MCOLN1: variants seen among roughly 807,000 people sequenced by gnomAD.
The protein encoded by MCOLN1 is mucolipin TRP cation channel 1.
A neutral mutation model predicts 70.3 loss-of-function variants in MCOLN1; 50 were observed. That is an observed-to-expected ratio of 0.71 (90% CI 0.57 to 0.90). MCOLN1 has a LOEUF of 0.90. Among genes scored for constraint, MCOLN1 ranks in the 40% least tolerant of loss-of-function variants. MCOLN1 has a pLI of 0.00. For synonymous variants in MCOLN1, 366 were observed against 341.0 expected (o/e 1.07, Z -0.81); for missense variants, 598 against 803.5 (o/e 0.74, Z 3.09).
At chr19:7,529,437 G>A (rs767421619) in intron 10 of MCOLN1, among the ~76,000 whole-genome samples, 153 bp from the exon 11 acceptor site, 2 of 152,104 alleles carry the variant, frequency 1.3e-5, no homozygotes, top group East Asian at 1.9e-4. Context: ...CCCCTCAGAC[G>A]TGGCCACGCC....
intron 1 of MCOLN1, among the ~76,000 whole-genome samples, chr19:7,523,772 A>C (rs953519987): frequency 1.1e-4 from 17 of 152,248 alleles, no homozygotes; most frequent in Non-Finnish European, 2.4e-4. Context: ...GTGTTTGCTG[A>C]AGAGGTCTTT....
chr19:7,529,352 G>T, intron 10 of MCOLN1, 150 bp downstream of exon 10: 1 of 922,496 alleles, frequency 1.1e-6, no homozygotes, highest in Non-Finnish European at 1.7e-6. Flanking sequence ...ATCTGTCACT[G>T]CACCTGCGCG....
rs2022639116 is a variant in MCOLN1 at position 7,530,398 on chromosome 19, G to C, written c.1472G>C (p.Trp491Ser). 6.2e-7 allele frequency: 1 copy of C among 1,613,700 alleles called. No individual in the cohort carries two copies. Residue 491 changes from tryptophan (W) to serine (S), a missense_variant, in exon 12 of 14, where the codon TGG (tryptophan) becomes TCG (serine). By Grantham distance (177) the Trp-to-Ser change is radical. Transcript: ENST00000264079. Reference protein sequence around the residue: ...QAQQGRSSLVWLFSQLYLYSF... With the variant: ...QAQQGRSSLVSLFSQLYLYSF... ...CAGCAGGGCCGCAGCAGCCTGGTGT[G>C]GCTCTTCTCCCAGCTCTACCTTTAC...
At position 7,528,477 on chromosome 19, in the gene MCOLN1, C is replaced by A; in HGVS notation, c.878-120C>A. The A allele has an allele frequency of 1.5e-6, 2 of 1,333,330 alleles. No individual in the cohort carries two copies. The highest frequency in any genetic ancestry group is 1.3e-5 in the South Asian group (1 of 78,350). 82.6% of individuals were successfully genotyped at this position (1,333,330 alleles called of 1,614,324 possible). A position where few individuals can be genotyped will look rare whatever the true frequency, so the allele number is the denominator to read the frequency against. On this transcript the variant is annotated intron_variant, in intron 7 of 13. Transcript: ENST00000264079. This position sits in a 1 kb window ranked among gnomAD's most constrained non-coding sequence, Gnocchi z 4.2. ...GACTCACCCCAAGCAAGCCCTGAGC[C>A]CACTGACCAACCAAAACCAGCCGTG...
In MCOLN1 at chr19:7,524,987, C is replaced by T. The variant is rs369024428; in HGVS notation, c.58C>T (p.Pro20Ser). 6.2e-7 allele frequency: 1 copy of T among 1,613,910 alleles called. No individual in the cohort carries two copies. The highest frequency in any genetic ancestry group is 1.1e-5 in the South Asian group (1 of 91,082). The change falls in exon 2 of 14, where the codon CCC (proline) becomes TCC (serine). Residue 20 changes from proline to serine, a missense_variant. Coordinates refer to ENST00000264079, the MANE Select transcript of MCOLN1 (RefSeq NM_020533.3). This position sits in a 1 kb window ranked among gnomAD's most constrained non-coding sequence, Gnocchi z 4.1. ...SETERLLTPN[P>S]GYGTQAGPSP... ...GACCGAGCGGCTTCTGACCCCCAAC[C>T]CCGGGTATGGGACCCAGGCGGGGCC...
rs1244791865 is a variant in MCOLN1, at chr19:7,526,458, G to C, written c.257G>C (p.Ser86Thr). ...CCCCAGCTCATCCTGTTTGGGCTCA[G>C]TAATCAGCTGGCTGTGACATTCCGG... ...VTVQLILFGL[S>T]NQLAVTFREE... Residue 86 changes from serine to threonine, a missense_variant, in exon 3 of 14, where the codon AGT becomes ACT. Physicochemically the swap from Ser to Thr is moderately conservative, Grantham distance 58 (BLOSUM62 1). Transcript: ENST00000264079. The surrounding 1 kb of genome is among the most constrained non-coding windows in gnomAD (Gnocchi z 4.6). 6.2e-7 allele frequency: 1 copy of C among 1,614,242 alleles called. No homozygotes were observed. Among genetic ancestry groups the C allele is most frequent in the Admixed American group, 1.7e-5 (1 of 60,024 alleles).
At position 7,526,893 on chromosome 19, in the gene MCOLN1, G is replaced by A. The variant is rs777233353; in HGVS notation, c.538G>A (p.Asp180Asn). ...CCGAGGCCACGTGGACCCGGCCAACGACACATTTGACATTGATCCGATGGT... is the reference window on the plus strand; with the variant it reads ...CCGAGGCCACGTGGACCCGGCCAACAACACATTTGACATTGATCCGATGGT... ...YHRGHVDPAN[D>N]TFDIDPMVVT... The change falls in exon 4 of 14, where the codon GAC (aspartate) becomes AAC (asparagine). Residue 180 changes from aspartate to asparagine, a missense_variant. Transcript: ENST00000264079. The surrounding 1 kb of genome is among the most constrained non-coding windows in gnomAD (Gnocchi z 4.6). 27 of 1,613,984 alleles carry A rather than the reference G, an allele frequency of 1.7e-5. No individual in the cohort carries two copies. The highest frequency in any genetic ancestry group is 2.1e-5 in the Non-Finnish European group (25 of 1,180,018).
chr19:7,527,663 G>A (rs2022591609), intron 5 of MCOLN1, 35 bp downstream of exon 5: 5 of 1,463,232 alleles, frequency 3.4e-6, no homozygotes, highest in Non-Finnish European at 4.8e-6. Context: ...GCCCAGGGTG[G>A]GGGAGGCAGC....
rs747892058 is a variant in MCOLN1 at position 7,524,127 on chromosome 19, A to G, written c.32-834A>G. Among the ~76,000 whole-genome samples the G allele has an allele frequency of 1.3e-5, 2 of 152,118 alleles. No individual in the cohort carries two copies. Among genetic ancestry groups the G allele is most frequent in the Admixed American group, 1.3e-4 (2 of 15,274 alleles). ...TCCCAAAGCCGTTGGGATAACAGGC[A>G]TGAGCCACTGAGCCCAGCCAAGGGG... is the stretch of plus-strand genomic sequence containing the variant. On this transcript the variant is annotated intron_variant, in intron 1 of 13. Coordinates refer to ENST00000264079, the MANE Select transcript of MCOLN1 (RefSeq NM_020533.3). This position sits in a 1 kb window ranked among gnomAD's most constrained non-coding sequence, Gnocchi z 4.1.
intron 12 of MCOLN1, 77 bp downstream of exon 12, chr19:7,530,578 C>T (rs2022641762): frequency 3.8e-6 from 5 of 1,311,224 alleles, no homozygotes; most frequent in South Asian, 1.2e-5. Flanking sequence ...TTGGGGACAC[C>T]GCAGGGTGAA....
rs149517177 is a variant in MCOLN1, at chr19:7,533,742, C to T, written c.1707-17C>T. The T allele has an allele frequency of 5.6e-6, 9 of 1,614,088 alleles. No homozygotes were observed. Among genetic ancestry groups the T allele is most frequent in the Non-Finnish European group, 6.8e-6 (8 of 1,180,044 alleles). On this transcript the variant is annotated splice_polypyrimidine_tract_variant and intron_variant, in intron 13 of 13. Transcript: ENST00000264079. ...CAGAGAAAACTGACGCCCCTCTTCC[C>T]TGCTTCCTTCCTCCAGGGACCCCTC...
At position 7,525,274 on chromosome 19, in the gene MCOLN1, T is replaced by C. The variant is rs1489873410; in HGVS notation, c.237+108T>C. ...TGGAAGGCCGAGGCCGGTGGATCGC[T>C]TGAGGCTGGGAGTTCAAGACCAGTC... On this transcript the variant is annotated intron_variant, in intron 2 of 13. Transcript: ENST00000264079. This position sits in a 1 kb window ranked among gnomAD's most constrained non-coding sequence, Gnocchi z 4.2. 2.9e-6 allele frequency: 3 copies of C among 1,025,818 alleles called. No homozygotes were observed. The highest frequency in any genetic ancestry group is 1.6e-5 in the African/African-American group (1 of 63,248). 63.5% of individuals were successfully genotyped at this position (1,025,818 alleles called of 1,614,324 possible).
In MCOLN1 at chr19:7,528,485, C is replaced by G; in HGVS notation, c.878-112C>G. The G allele has an allele frequency of 1.4e-6, 2 of 1,429,612 alleles. No homozygotes were observed. The highest frequency in any genetic ancestry group is 1.9e-6 in the Non-Finnish European group (2 of 1,040,462). The allele number at this position is 1,429,612 out of a possible 1,614,324, so 88.6% of individuals were successfully genotyped here. ...CCAAGCAAGCCCTGAGCCCACTGAC[C>G]AACCAAAACCAGCCGTGCAGCCCCC... On this transcript the variant is annotated intron_variant, in intron 7 of 13. Transcript: ENST00000264079. The surrounding 1 kb of genome is among the most constrained non-coding windows in gnomAD (Gnocchi z 4.2).
chr19:7,522,881 C>A, intron 1 of MCOLN1, 100 bp downstream of exon 1: 1 of 1,101,476 alleles, frequency 9.1e-7, no homozygotes, highest in South Asian at 2.8e-5. Context: ...TTTCTAAGCT[C>A]CAGCGCTGAC....
At chr19:7,523,279 C>T (rs922630717) in intron 1 of MCOLN1, among the ~76,000 whole-genome samples, 3 of 152,364 alleles carry the variant, frequency 2.0e-5, no homozygotes, top group Middle Eastern at 3.4e-3. Context: ...GCGCAGCCTT[C>T]TTAAATTCGG....
At position 7,526,974 on chromosome 19, in the gene MCOLN1, G is replaced by C. The variant is rs781404666; in HGVS notation, c.571+48G>C. 1.9e-6 allele frequency: 3 copies of C among 1,610,270 alleles called. No individual in the cohort carries two copies. Among genetic ancestry groups the C allele is most frequent in the Non-Finnish European group, 2.5e-6 (3 of 1,177,158 alleles). On this transcript the variant is annotated intron_variant, in intron 4 of 13. Transcript: ENST00000264079. The surrounding 1 kb of genome is among the most constrained non-coding windows in gnomAD (Gnocchi z 4.6). ...CACTGTTGGGAGCCTGAGCTGCTGG[G>C]ATTAAAATCAACAGCTGTGGCTGGG...
rs1294110134 is a variant in MCOLN1 at position 7,522,641 on chromosome 19, G to C, written c.-110G>C. 7 of 1,182,314 alleles carry C rather than the reference G, an allele frequency of 5.9e-6. No individual in the cohort carries two copies. The African/African-American group carries it at 9.6e-5, about 16-fold the overall frequency. The allele number at this position is 1,182,314 out of a possible 1,614,324, so 73.2% of individuals were successfully genotyped here. A position where few individuals can be genotyped will look rare whatever the true frequency, so the allele number is the denominator to read the frequency against. Reference sequence around the variant, plus strand: ...ACCGAGGCACAGATCAGCTGATGCCGGAGGGTTTGAAGCCGCGCCGCGAGG... The same window carrying C: ...ACCGAGGCACAGATCAGCTGATGCCCGAGGGTTTGAAGCCGCGCCGCGAGG... On this transcript the variant is annotated 5_prime_UTR_variant, in exon 1 of 14. Coordinates refer to ENST00000264079, the MANE Select transcript of MCOLN1 (RefSeq NM_020533.3).
rs2022541838 is a variant in MCOLN1 at position 7,524,735 on chromosome 19, C to T, written c.32-226C>T. On this transcript the variant is annotated intron_variant, in intron 1 of 13. Transcript: ENST00000264079. This position sits in a 1 kb window ranked among gnomAD's most constrained non-coding sequence, Gnocchi z 4.1. ...GTGAGCAGGAGGGGCAGGAATCAGC[C>T]CAGGCCCTGTACCTCCCAAACCCAA... Among the ~76,000 whole-genome samples the T allele has an allele frequency of 6.6e-6, 1 of 152,182 alleles. No homozygotes were observed.
chr19:7,527,648 G>C lies in MCOLN1; in HGVS notation c.680+20G>C, dbSNP rs1346995741. The C allele has an allele frequency of 2.0e-6, 3 of 1,535,694 alleles. No homozygotes were observed. The highest frequency in any genetic ancestry group is 2.7e-6 in the Non-Finnish European group (3 of 1,108,536). On this transcript the variant is annotated intron_variant, in intron 5 of 13. Transcript: ENST00000264079. ...CCACAAGTACTGCCTGCTCACTCGA[G>C]GGGGGCCCAGGGTGGGGGAGGCAGC...
Sources: gnomAD v4.1 joint callset for allele counts (sites outside exome capture counted in the v4.1 genomes callset) on GRCh38, gnomAD v4.1.1 for gene constraint, Gnocchi (gnomAD v3.1) non-coding constraint, MANE v1.5 for transcripts, NCBI Gene and HGNC (gene_info 2026-07-23, HGNC 2026-07-21) for gene names.